The following ARSJ variants were observed in gnomAD, a reference collection of about 807,000 sequenced individuals.
ARSJ encodes arylsulfatase family member J, also known as arylsulfatase J.
ARSJ carries 26 observed loss-of-function variants against 35.9 expected under a neutral mutation model. The observed-to-expected ratio is 0.72, with a 90% CI of 0.53 to 1.00. The LOEUF (loss-of-function observed/expected upper bound fraction) is 1.00, where lower values mean the gene tolerates loss of function less well. Ranked by LOEUF, ARSJ falls within the 50% of genes least tolerant of loss-of-function variation. The probability of loss-of-function intolerance (pLI) is 0.00; values close to 1 mark genes in which losing one functional copy is unlikely to be tolerated. For missense variants in ARSJ, 667 were observed against 723.6 expected (o/e 0.92, Z 0.90); for synonymous variants, 294 against 267.6 (o/e 1.10, Z -0.96).
Position 113,978,850 on chromosome 4 carries a change from G to T in ARSJ, c.-16C>A, listed in dbSNP as rs201161005. 2.0e-3 allele frequency: 3,199 copies of T among 1,577,392 alleles called. 5 individuals are homozygous for T. Among genetic ancestry groups the T allele is most frequent in the Non-Finnish European group, 2.3e-3 (2,685 of 1,164,294 alleles). Reference sequence around the variant, plus strand: ...TGGGAGCCATTCACTCAGGTCCCAGGTGAGACTCCACGCGGAGAACCACGC... The same window carrying T: ...TGGGAGCCATTCACTCAGGTCCCAGTTGAGACTCCACGCGGAGAACCACGC... On this transcript the variant is annotated 5_prime_UTR_variant, in exon 1 of 2. Transcript: ENST00000315366.
rs1340749873 is a variant in ARSJ, at chr4:113,978,852, G to A, written c.-18C>T. On this transcript the variant is annotated 5_prime_UTR_variant, in exon 1 of 2. Coordinates refer to ENST00000315366, the MANE Select transcript of ARSJ (RefSeq NM_024590.4). The stretch of plus-strand genomic sequence containing the variant: ...GGAGCCATTCACTCAGGTCCCAGGT[G>A]AGACTCCACGCGGAGAACCACGCGC... 2 of 1,573,860 alleles carry A rather than the reference G, an allele frequency of 1.3e-6. No individual in the cohort carries two copies. The highest frequency in any genetic ancestry group is 1.9e-5 in the Admixed American group (1 of 52,574).
Position 113,902,792 on chromosome 4 carries a change from T to G in ARSJ, c.1282A>C (p.Lys428Gln). 1 of 1,614,134 alleles carries G rather than the reference T, an allele frequency of 6.2e-7. No homozygotes were observed. The highest frequency in any genetic ancestry group is 1.1e-5 in the South Asian group (1 of 91,078). The stretch of plus-strand genomic sequence containing the variant: ...GCTGCCCAGGAGCCATTTTTTGCCT[T>G]GGTGTATATGGGGTCAATGTTATGC... ...ILHNIDPIYTKAKNGSWAAGY... is the reference protein window; with the variant it reads ...ILHNIDPIYTQAKNGSWAAGY... Residue 428 changes from lysine to glutamine, a missense_variant, in exon 2 of 2, where the codon AAG becomes CAG. Lys to Gln is a moderately conservative substitution (Grantham distance 53, BLOSUM62 1). Transcript: ENST00000315366.
At chr4:113,910,947 A>G (rs2099670248) in intron 1 of ARSJ, among the ~76,000 whole-genome samples, 1 of 152,162 alleles carries the variant, frequency 6.6e-6, no homozygotes, top group Non-Finnish European at 1.5e-5. Context: ...ACCTCTCAGA[A>G]GGGGCCATGT....
chr4:113,916,120 ATT>A (rs1031644055), intron 1 of ARSJ, among the ~76,000 whole-genome samples: 23 of 152,176 alleles, frequency 1.5e-4, no homozygotes, highest in African/African-American at 5.3e-4. Flanking sequence ...AATATTTTAT[ATT>A]TGTTATAAAT....
intron 1 of ARSJ, among the ~76,000 whole-genome samples, chr4:113,969,499 A>T (rs1727108000): frequency 6.6e-6 from 1 of 152,198 alleles, no homozygotes; most frequent in Non-Finnish European, 1.5e-5. Flanking sequence ...ATAAATTTAA[A>T]ATAATGTTTA....
At chr4:113,956,311 C>G (rs1428755100) in intron 1 of ARSJ, among the ~76,000 whole-genome samples, 2 of 151,916 alleles carry the variant, frequency 1.3e-5, no homozygotes, top group East Asian at 1.9e-4. Context: ...AATATATTCC[C>G]CTAGAACATA....
intron 1 of ARSJ, among the ~76,000 whole-genome samples, chr4:113,916,404 G>C (rs1303359021): frequency 6.6e-6 from 1 of 152,006 alleles, no homozygotes; most frequent in Non-Finnish European, 1.5e-5. Flanking sequence ...AATGCCACAG[G>C]ATTTTTTTCT....
chr4:113,962,312 A>C (rs1726598275), intron 1 of ARSJ, among the ~76,000 whole-genome samples: 1 of 152,010 alleles, frequency 6.6e-6, no homozygotes. Context: ...ACTTACTATG[A>C]TAAAAGAAAA....
chr4:113,945,469 TG>T (rs1283877090), intron 1 of ARSJ, among the ~76,000 whole-genome samples: 22 of 152,190 alleles, frequency 1.4e-4, no homozygotes, highest in African/African-American at 3.6e-4. Flanking sequence ...TGCTAATTCC[TG>T]ACAATGACAC....
chr4:113,975,850 A>T (rs1245853953), intron 1 of ARSJ, among the ~76,000 whole-genome samples: 1 of 152,134 alleles, frequency 6.6e-6, no homozygotes, highest in East Asian at 1.9e-4. Flanking sequence ...ATCACTATTG[A>T]TTTCTAGACT....
intron 1 of ARSJ, among the ~76,000 whole-genome samples, chr4:113,959,717 C>T (rs980718743): frequency 6.6e-6 from 1 of 151,954 alleles, no homozygotes; most frequent in Non-Finnish European, 1.5e-5. Flanking sequence ...GAACATTTGG[C>T]AACTATAATC....
At chr4:113,936,927 T>G (rs1385420132) in intron 1 of ARSJ, among the ~76,000 whole-genome samples, 1 of 151,920 alleles carries the variant, frequency 6.6e-6, no homozygotes, top group Non-Finnish European at 1.5e-5. Context: ...CTTTTAGTTG[T>G]ATTGTACCGA....
At chr4:113,934,720 A>G (rs1724662131) in intron 1 of ARSJ, among the ~76,000 whole-genome samples, 1 of 151,826 alleles carries the variant, frequency 6.6e-6, no homozygotes, top group South Asian at 2.1e-4. Context: ...ATATGAGTGT[A>G]TTTTATTGAT....
chr4:113,904,580 G>A (rs1434847308), intron 1 of ARSJ, among the ~76,000 whole-genome samples: 3 of 152,166 alleles, frequency 2.0e-5, no homozygotes, highest in Non-Finnish European at 2.9e-5. Flanking sequence ...CGCCTCCCGG[G>A]TTCACGCCAT....
intron 1 of ARSJ, among the ~76,000 whole-genome samples, chr4:113,945,129 C>T (rs1725395013): frequency 6.6e-6 from 1 of 151,940 alleles, no homozygotes; most frequent in Non-Finnish European, 1.5e-5. Flanking sequence ...TTGTTGGTGT[C>T]TCTTTTTAAA....
chr4:113,907,901 C>T (rs2099669249), intron 1 of ARSJ, among the ~76,000 whole-genome samples: 1 of 152,024 alleles, frequency 6.6e-6, no homozygotes, highest in South Asian at 2.1e-4. Context: ...TGCACATGAA[C>T]ACAAAGAAGG....
At chr4:113,973,214 C>A (rs1194128561) in intron 1 of ARSJ, among the ~76,000 whole-genome samples, 1 of 152,176 alleles carries the variant, frequency 6.6e-6, no homozygotes, top group Non-Finnish European at 1.5e-5. Flanking sequence ...CCTTAGCACT[C>A]ATTACCATAT....
chr4:113,905,465 G>A (rs1187125080), intron 1 of ARSJ, among the ~76,000 whole-genome samples: 1 of 152,058 alleles, frequency 6.6e-6, no homozygotes, highest in Admixed American at 6.5e-5. Flanking sequence ...GTTTCTGTGG[G>A]CACTGGAGTG....
intron 1 of ARSJ, among the ~76,000 whole-genome samples, chr4:113,931,531 A>G (rs1162040513): frequency 1.3e-5 from 2 of 152,138 alleles, no homozygotes; most frequent in East Asian, 3.9e-4. Flanking sequence ...ATTTTATGTT[A>G]CTAGTATTTC....
Sources: gnomAD v4.1 joint callset for allele counts (sites outside exome capture counted in the v4.1 genomes callset) on GRCh38, gnomAD v4.1.1 for gene constraint, MANE v1.5 for transcripts, NCBI Gene and HGNC (gene_info 2026-07-23, HGNC 2026-07-21) for gene names.